LETM2: variants seen among roughly 807,000 people sequenced by gnomAD.
LETM2 encodes leucine zipper and EF-hand containing transmembrane protein 2, also known as LETM1 domain-containing protein LETM2, mitochondrial.
LETM2 carries 58 observed loss-of-function variants against 59.6 expected under a neutral mutation model. That is an observed-to-expected ratio of 0.97 (90% CI 0.79 to 1.21). The LOEUF is 1.21. Ranked by LOEUF, LETM2 falls within the 50% of genes most tolerant of loss-of-function variation. LETM2 has a pLI of 0.00. For missense variants in LETM2, 572 were observed against 575.7 expected (o/e 0.99, Z 0.07); for synonymous variants, 199 against 214.1 (o/e 0.93, Z 0.62).
In LETM2 at chr8:38,400,914, AC is replaced by A. The variant is rs753790396; in HGVS notation, c.847del (p.Gln283SerfsTer7). 17 of 1,614,086 alleles carry A rather than the reference AC, an allele frequency of 1.1e-5. No homozygotes were observed. Among genetic ancestry groups the A allele is most frequent in the Non-Finnish European group, 1.2e-5 (14 of 1,180,038 alleles). On this transcript the variant is annotated frameshift_variant, in exon 6 of 11. Transcript: ENST00000379957. LOFTEE classifies it high-confidence loss of function. Reference sequence around the variant, plus strand: ...GTTCGCTTCTCCAAACTATTTGAGGACCAGCTGGCCCTGGAACACTTAGATC... The same window carrying A: ...GTTCGCTTCTCCAAACTATTTGAGGACAGCTGGCCCTGGAACACTTAGATC... ...EIVRFSKLFE[D>X]QLALEHLDRP...
chr8:38,400,518 A>G (rs1813107863), intron 5 of LETM2, 109 bp downstream of exon 5: 3 of 1,013,844 alleles, frequency 3.0e-6, no homozygotes, highest in South Asian at 1.8e-5. Flanking sequence ...AATTGCAAAT[A>G]TCTAAATTAT....
chr8:38,384,864 A>G (rs371129411), upstream of LETM2, among the ~76,000 whole-genome samples: 10 of 152,378 alleles, frequency 6.6e-5, no homozygotes, highest in African/African-American at 2.2e-4. Context: ...ATGCATGAAT[A>G]AGAATATTTC....
chr8:38,393,223 T>C lies in LETM2; in HGVS notation c.501+228T>C, dbSNP rs1402632908. Reference sequence around the variant, plus strand: ...GTATAACGGTTTTTAAAAAAAACTTTTATTTTAGGTTCAGGGGTACATGTG... The same window carrying C: ...GTATAACGGTTTTTAAAAAAAACTTCTATTTTAGGTTCAGGGGTACATGTG... On this transcript the variant is annotated intron_variant, in intron 3 of 10. Transcript: ENST00000379957. 12 of 473,920 alleles carry C rather than the reference T, an allele frequency of 2.5e-5. No homozygotes were observed. The Admixed American group carries it at 3.4e-4, about 13-fold the overall frequency. 29.4% of individuals were successfully genotyped at this position (473,920 alleles called of 1,614,324 possible). A position where few individuals can be genotyped will look rare whatever the true frequency, so the allele number is the denominator to read the frequency against.
At chr8:38,390,268 A>G (rs1812118816) in intron 2 of LETM2, among the ~76,000 whole-genome samples, 1 of 151,974 alleles carries the variant, frequency 6.6e-6, no homozygotes, top group Non-Finnish European at 1.5e-5. Flanking sequence ...AGATTGCTTT[A>G]GCCCAGGGGT....
chr8:38,390,623 G>GA (rs766904780), intron 2 of LETM2, among the ~76,000 whole-genome samples: 1,647 of 44,798 alleles, frequency 0.037, 28 homozygotes, highest in African/African-American at 0.044. Flanking sequence ...CTCTGTCTCA[G>GA]AAAAAAAAAA....
rs749391639 is a variant in LETM2, at chr8:38,392,930, G to T, written c.436G>T (p.Val146Phe). 13 of 1,612,232 alleles carry T rather than the reference G, an allele frequency of 8.1e-6. No individual in the cohort carries two copies. The highest frequency in any genetic ancestry group is 1.0e-5 in the Non-Finnish European group (12 of 1,180,026). ...CTACTTACTTTGGATTGACGCCAAA[G>T]TTGCTGCCAGAATGGTTTGGAGGCT... ...GFYLLWIDAK[V>F]AARMVWRLLH... Residue 146 changes from valine to phenylalanine, a missense_variant, in exon 3 of 11, where the codon GTT becomes TTT. Physicochemically the swap from Val to Phe is conservative, Grantham distance 50. Coordinates refer to ENST00000379957, the MANE Select transcript of LETM2 (RefSeq NM_001286819.2).
rs926549843 is a variant in LETM2, at chr8:38,404,742, G to A, written c.1218+236G>A. On this transcript the variant is annotated intron_variant, in intron 8 of 10. Coordinates refer to ENST00000379957, the MANE Select transcript of LETM2 (RefSeq NM_001286819.2). The stretch of plus-strand genomic sequence containing the variant: ...CGCCTGTAATCCCAGCACTTTGGGA[G>A]GCCGAGGTAGGTGGATCACCTGAGG... 2.6e-5 allele frequency: 11 copies of A among 427,974 alleles called. No homozygotes were observed. In the Admixed American group the frequency reaches 3.3e-4, roughly 13 times the overall value. The allele number at this position is 427,974 out of a possible 1,614,324, so 26.5% of individuals were successfully genotyped here.
At chr8:38,387,852 G>A (rs903578183) in intron 1 of LETM2, 98 bp from the exon 2 acceptor site, 11 of 612,580 alleles carry the variant, frequency 1.8e-5, no homozygotes, top group African/African-American at 3.7e-5. Flanking sequence ...CTATGCAAAT[G>A]TTCTACCTTT....
intron 8 of LETM2, 148 bp downstream of exon 8, chr8:38,404,654 TA>T (rs1366966252): frequency 1.7e-5 from 10 of 604,026 alleles, no homozygotes; most frequent in Admixed American, 1.2e-4. Context: ...TAAAAATTTC[TA>T]AAAAAACCAA....
intron 8 of LETM2, 55 bp from the exon 9 acceptor site, chr8:38,406,891 C>T: frequency 8.3e-7 from 1 of 1,210,904 alleles, no homozygotes; most frequent in Non-Finnish European, 1.2e-6. Flanking sequence ...GTAAAAGTTT[C>T]TGGGTTTTAG....
At chr8:38,392,407 G>T (rs1812363123) in intron 2 of LETM2, 135 bp from the exon 3 acceptor site, 5 of 631,514 alleles carry the variant, frequency 7.9e-6, no homozygotes, top group South Asian at 7.8e-5. Flanking sequence ...CCTGGGCAAT[G>T]GGAGTGGAAA....
rs1213360558 is a variant in LETM2 at position 38,390,136 on chromosome 8, G to A, written c.47+2106G>A. 2.6e-5 allele frequency among the ~76,000 whole-genome samples: 4 copies of A among 152,056 alleles called. No individual in the cohort carries two copies. In the East Asian group the frequency reaches 5.8e-4, roughly 22 times the overall value. On this transcript the variant is annotated intron_variant, in intron 2 of 10. Transcript: ENST00000379957. ...CTCAGGATGCTGAGCCTGGGAGGTCGAGGCTGCAGTGAGCTGTGATCACAC... is the reference window on the plus strand; with the variant it reads ...CTCAGGATGCTGAGCCTGGGAGGTCAAGGCTGCAGTGAGCTGTGATCACAC...
At chr8:38,405,305 G>C (rs918782542) in intron 8 of LETM2, among the ~76,000 whole-genome samples, 1 of 152,088 alleles carries the variant, frequency 6.6e-6, no homozygotes, top group Non-Finnish European at 1.5e-5. Flanking sequence ...GATTGGCCCA[G>C]TCACTACAGC....
chr8:38,385,459 T>C (rs1013434139), upstream of LETM2, among the ~76,000 whole-genome samples: 2 of 152,196 alleles, frequency 1.3e-5, no homozygotes, highest in African/African-American at 4.8e-5. Flanking sequence ...AGTGGCGCGA[T>C]CTCGACTCAC....
intron 9 of LETM2, 108 bp downstream of exon 9, chr8:38,407,146 A>C (rs1249142566): frequency 4.0e-6 from 3 of 741,642 alleles, no homozygotes; most frequent in African/African-American, 1.8e-5. Flanking sequence ...TCAATACAAT[A>C]ATGTTCCTTA....
intron 4 of LETM2, among the ~76,000 whole-genome samples, chr8:38,395,157 C>T (rs1812588097): frequency 6.6e-6 from 1 of 152,180 alleles, no homozygotes; most frequent in South Asian, 2.1e-4. Context: ...CAGTTTTTGA[C>T]AATTATGAAT....
At chr8:38,393,035 A>C (rs1812424142) in intron 3 of LETM2, 40 bp downstream of exon 3, 1 of 1,486,822 alleles carries the variant, frequency 6.7e-7, no homozygotes, top group African/African-American at 1.4e-5. Context: ...ATGTGAAATT[A>C]AAATGAACTA....
At chr8:38,382,490 A>G (rs12678205), upstream of LETM2, 34,443 of 152,126 alleles carry the variant, frequency 0.23, 4,144 homozygotes, top group East Asian at 0.31. The surrounding 1 kb of genome is among the most constrained non-coding windows in gnomAD (Gnocchi z 4.2). Flanking sequence ...AGGGCCGAGG[A>G]ACGAGGGACG....
intron 3 of LETM2, chr8:38,393,552 C>G (rs948819815): frequency 2.0e-5 from 3 of 153,222 alleles, no homozygotes; most frequent in Admixed American, 1.3e-4. Context: ...GAGGCTGAGG[C>G]AGGAGAATGG....
Sources: allele counts gnomAD v4.1 joint callset (sites outside exome capture counted in the v4.1 genomes callset), GRCh38; gene constraint gnomAD v4.1.1; non-coding constraint Gnocchi (gnomAD v3.1); transcripts MANE v1.5; gene names NCBI Gene and HGNC (gene_info 2026-07-23, HGNC 2026-07-21).